Variants in FDX2 observed in about 807,000 individuals in gnomAD.
FDX2 encodes the protein ferredoxin-2, mitochondrial.
In FDX2, 13 loss-of-function variants were observed where a neutral mutation model predicts 18.5. The ratio of observed to expected loss-of-function variants is 0.70; its 90% CI spans 0.46 to 1.12. FDX2 has a LOEUF of 1.12. FDX2 is among the 50% of genes most tolerant of loss of function. FDX2 has a pLI of 0.00. For missense variants in FDX2, 238 were observed against 250.4 expected, an observed-to-expected ratio of 0.95 and a Z score of 0.34; for synonymous variants, 132 against 106.2, an observed-to-expected ratio of 1.24 and a Z score of -1.49.
chr19:10,311,665 G>C (rs12462857), intron 3 of FDX2, among the ~76,000 whole-genome samples: 19,961 of 150,076 alleles, frequency 0.13, 1,756 homozygotes, highest in Admixed American at 0.27. Context: ...TTCCCAAAGT[G>C]CTGGGATTAC....
chr19:10,310,422 C>T lies in FDX2; in HGVS notation c.*64G>A. 1.2e-6 allele frequency: 2 copies of T among 1,607,648 alleles called. No individual in the cohort carries two copies. Among genetic ancestry groups the T allele is most frequent in the Non-Finnish European group, 8.5e-7 (1 of 1,175,504 alleles). Reference sequence around the variant, plus strand: ...GTCCGCACTCTGGGCAGGGCTGGCACCTGGCTATTCCCTCAATCTGGGCCC... The same window carrying T: ...GTCCGCACTCTGGGCAGGGCTGGCATCTGGCTATTCCCTCAATCTGGGCCC... On this transcript the variant is annotated 3_prime_UTR_variant, in exon 5 of 5. Coordinates refer to ENST00000393708, the MANE Select transcript of FDX2 (RefSeq NM_001031734.4).
chr19:10,312,869 G>A (rs1222463142), intron 3 of FDX2, among the ~76,000 whole-genome samples: 1 of 152,182 alleles, frequency 6.6e-6, no homozygotes, highest in African/African-American at 2.4e-5. Flanking sequence ...CGGCACAGTG[G>A]CTCATGTCTG....
intron 1 of FDX2, 45 bp from the exon 2 acceptor site, chr19:10,315,804 G>A (rs367713852): frequency 3.4e-4 from 549 of 1,599,970 alleles, no homozygotes; most frequent in Non-Finnish European, 4.3e-4. Context: ...GCCCCGCCCC[G>A]CCGGCATCTG....
Position 10,315,710 on chromosome 19 carries a change from C to T in FDX2, c.204G>A (p.Gly68=). The T allele has an allele frequency of 6.4e-7, 1 of 1,551,014 alleles. No individual in the cohort carries two copies. Among genetic ancestry groups the T allele is most frequent in the South Asian group, 1.2e-5 (1 of 84,214 alleles). ...ACTTGGCCCCCTGCACTCACACGTC[C>T]CCGGGCCGCTCCGGGCCGCCCGCGT... Residue 68 remains glycine, a synonymous_variant, in exon 2 of 5, where the codon GGG becomes GGA. Coordinates refer to ENST00000393708, the MANE Select transcript of FDX2 (RefSeq NM_001031734.4).
chr19:10,315,727 C>A lies in FDX2; in HGVS notation c.187G>T (p.Gly63Cys), dbSNP rs368518750. ...CACACGTCCCCGGGCCGCTCCGGGC[C>A]GCCCGCGTCCTCCTCTCCAGCCGGG... Residue 63 changes from glycine (G) to cysteine (C), a missense_variant, in exon 2 of 5, where the codon GGC becomes TGC. Physicochemically the swap from Gly to Cys is radical, Grantham distance 159. Transcript: ENST00000393708. 1.4e-5 allele frequency: 22 copies of A among 1,558,126 alleles called. No homozygotes were observed. The African/African-American group carries it at 1.5e-4, about 11-fold the overall frequency.
intron 3 of FDX2, 88 bp downstream of exon 3, chr19:10,315,298 A>G (rs1012076281): frequency 3.8e-6 from 4 of 1,065,790 alleles, no homozygotes; most frequent in Non-Finnish European, 5.3e-6. Context: ...AAAGACGTGA[A>G]GAGACACACC....
Position 10,315,996 on chromosome 19 carries a change from T to C in FDX2, c.10A>G (p.Met4Val). The stretch of plus-strand genomic sequence containing the variant: ...CCTCCCCGGGCCATGGAGGCGGCCA[T>C]GACATGCATCACGTGACTCACCGAC... Residue 4 changes from methionine (M) to valine (V), a missense_variant, in exon 1 of 5, where the codon ATG becomes GTG. Met to Val is a conservative substitution (Grantham distance 21, BLOSUM62 1). Transcript: ENST00000393708. 1 of 1,602,220 alleles carries C rather than the reference T, an allele frequency of 6.2e-7. No homozygotes were observed. Among genetic ancestry groups the C allele is most frequent in the Non-Finnish European group, 8.5e-7 (1 of 1,177,114 alleles).
intron 3 of FDX2, among the ~76,000 whole-genome samples, chr19:10,314,542 T>C (rs577299052): frequency 2.6e-5 from 4 of 151,784 alleles, no homozygotes; most frequent in African/African-American, 4.8e-5. Context: ...CACTCCAGCA[T>C]TGGCGACACA....
chr19:10,311,028 T>TAC, intron 3 of FDX2, 88 bp from the exon 4 acceptor site: 5 of 909,706 alleles, frequency 5.5e-6, no homozygotes, highest in Non-Finnish European at 8.4e-6. Flanking sequence ...TAGACCTCTC[T>TAC]TCCACCACGT....
At position 10,310,450 on chromosome 19, in the gene FDX2, G is replaced by A. The variant is rs1490504763; in HGVS notation, c.*36C>T. 1 of 1,613,308 alleles carries A rather than the reference G, an allele frequency of 6.2e-7. No individual in the cohort carries two copies. The highest frequency in any genetic ancestry group is 8.5e-7 in the Non-Finnish European group (1 of 1,179,502). On this transcript the variant is annotated 3_prime_UTR_variant, in exon 5 of 5. Coordinates refer to ENST00000393708, the MANE Select transcript of FDX2 (RefSeq NM_001031734.4). ...GGCTATTCCCTCAATCTGGGCCCTG[G>A]GGCCATGGCAATGTGGAATGGTCCA...
intron 3 of FDX2, among the ~76,000 whole-genome samples, chr19:10,311,849 A>C (rs1455893886): frequency 5.8e-5 from 8 of 138,690 alleles, no homozygotes; most frequent in Non-Finnish European, 7.7e-5. Flanking sequence ...ACATGTGCGC[A>C]CCACCACACC....
Position 10,310,351 on chromosome 19 carries a change from C to A in FDX2, c.*135G>T. Reference sequence around the variant, plus strand: ...CCTGGACATGGGACTCTCTCCCAAGCAGGGGTGTTGTCCTTCACAGGGGCT... The same window carrying A: ...CCTGGACATGGGACTCTCTCCCAAGAAGGGGTGTTGTCCTTCACAGGGGCT... On this transcript the variant is annotated 3_prime_UTR_variant, in exon 5 of 5. Transcript: ENST00000393708. 1.6e-6 allele frequency: 2 copies of A among 1,237,030 alleles called. No homozygotes were observed. Among genetic ancestry groups the A allele is most frequent in the Non-Finnish European group, 2.3e-6 (2 of 888,784 alleles). 76.6% of individuals were successfully genotyped at this position (1,237,030 alleles called of 1,614,324 possible). A position where few individuals can be genotyped will look rare whatever the true frequency, so the allele number is the denominator to read the frequency against.
At chr19:10,314,008 G>C (rs2040352025) in intron 3 of FDX2, among the ~76,000 whole-genome samples, 1 of 128,604 alleles carries the variant, frequency 7.8e-6, no homozygotes. Flanking sequence ...GTTTGAGACA[G>C]AGTCCCGCTC....
chr19:10,310,695 G>T (rs564072899), intron 4 of FDX2, 53 bp from the exon 5 acceptor site: 20 of 1,538,294 alleles, frequency 1.3e-5, no homozygotes, highest in African/African-American at 6.8e-5. Context: ...CTGGGTGGGT[G>T]GGGGGCCAGA....
At chr19:10,312,368 C>G (rs1289723828) in intron 3 of FDX2, among the ~76,000 whole-genome samples, 1 of 151,970 alleles carries the variant, frequency 6.6e-6, no homozygotes, top group Non-Finnish European at 1.5e-5. Context: ...ACCACCTGCC[C>G]TTGGTCACAC....
At chr19:10,311,226 G>A (rs1305568769) in intron 3 of FDX2, among the ~76,000 whole-genome samples, 1 of 152,120 alleles carries the variant, frequency 6.6e-6, no homozygotes, top group African/African-American at 2.4e-5. Context: ...GGACTTGGCT[G>A]CCAGGTAGCT....
At chr19:10,311,792 C>T (rs937342702) in intron 3 of FDX2, among the ~76,000 whole-genome samples, 40 of 150,634 alleles carry the variant, frequency 2.7e-4, no homozygotes, top group Non-Finnish European at 5.3e-4. Flanking sequence ...CCTCAACCTC[C>T]CGGCTCAAGC....
intron 3 of FDX2, 48 bp downstream of exon 3, chr19:10,315,338 T>TTTTTTTTA: frequency 9.7e-7 from 1 of 1,032,662 alleles, no homozygotes. Context: ...TTTTTTTTTT[T>TTTTTTTTA]GGACAAATGT....
At chr19:10,311,046 G>A (rs796461444) in intron 3 of FDX2, 106 bp from the exon 4 acceptor site, 21 of 750,400 alleles carry the variant, frequency 2.8e-5, no homozygotes, top group South Asian at 2.1e-4. Context: ...CGTGCCTCAC[G>A]TCTCCCTCCT....
Sources: gnomAD v4.1 joint callset for allele counts (sites outside exome capture counted in the v4.1 genomes callset) on GRCh38, gnomAD v4.1.1 for gene constraint, MANE v1.5 for transcripts, NCBI Gene and HGNC (gene_info 2026-07-23, HGNC 2026-07-21) for gene names.